Variants in RNF144A observed in about 807,000 individuals in gnomAD.
The protein encoded by RNF144A is E3 ubiquitin-protein ligase RNF144A.
Under a neutral mutation model 38.7 loss-of-function variants are expected in RNF144A, and 11 were observed. The observed-to-expected ratio is 0.28, with a 90% CI of 0.18 to 0.47. RNF144A has a LOEUF of 0.47. RNF144A is among the 20% of genes least tolerant of loss of function. RNF144A has a pLI of 0.99. For missense variants in RNF144A, 316 were observed against 377.2 expected, an observed-to-expected ratio of 0.84 and a Z score of 1.34; for synonymous variants, 149 against 143.9, an observed-to-expected ratio of 1.04 and a Z score of -0.25.
chr2:6,998,191 T>G (rs1387506076), intron 3 of RNF144A, among the ~76,000 whole-genome samples: 1 of 152,022 alleles, frequency 6.6e-6, no homozygotes, highest in Non-Finnish European at 1.5e-5. Context: ...AAAAGTGTCT[T>G]CTGAATTTAA....
chr2:7,030,065 A>G (rs897692440), intron 7 of RNF144A, 61 bp from the exon 8 acceptor site: 2 of 1,128,004 alleles, frequency 1.8e-6, no homozygotes, highest in Admixed American at 1.7e-5. Context: ...AATGGCTGTG[A>G]TACTCACCGA....
At position 7,042,546 on chromosome 2, in the gene RNF144A, G is replaced by C; in HGVS notation, c.*2786G>C. The C allele has an allele frequency of 1.8e-5, 18 of 985,506 alleles. No homozygotes were observed. Among genetic ancestry groups the C allele is most frequent in the Non-Finnish European group, 2.2e-5 (18 of 829,966 alleles). The allele number at this position is 985,506 out of a possible 1,614,324, so 61.0% of individuals were successfully genotyped here. A position where few individuals can be genotyped will look rare whatever the true frequency, so the allele number is the denominator to read the frequency against. On this transcript the variant is annotated 3_prime_UTR_variant, in exon 9 of 9. Coordinates refer to ENST00000320892, the MANE Select transcript of RNF144A (RefSeq NM_014746.6). The stretch of plus-strand genomic sequence containing the variant: ...CAGGGTGGGTGGCCAGTGAGGACTG[G>C]CCTTAGCCCAGTGGACCTGTGGCTT...
At chr2:7,006,083 C>T (rs309318) in intron 3 of RNF144A, among the ~76,000 whole-genome samples, 121,023 of 151,732 alleles carry the variant, frequency 0.8, 48,392 homozygotes, top group South Asian at 0.92. Flanking sequence ...GACAGCTATG[C>T]TCTGTCCCAG....
intron 1 of RNF144A, among the ~76,000 whole-genome samples, chr2:6,933,542 T>C (rs1665341654): frequency 6.6e-6 from 1 of 152,168 alleles, no homozygotes; most frequent in Admixed American, 6.5e-5. Flanking sequence ...GTATAGTATC[T>C]CATGGGTACT....
chr2:7,028,607 A>T (rs1311784627), intron 7 of RNF144A, among the ~76,000 whole-genome samples: 1 of 152,238 alleles, frequency 6.6e-6, no homozygotes, highest in Non-Finnish European at 1.5e-5. Context: ...AGTGCAAGAC[A>T]TTGTGAGAGG....
intron 6 of RNF144A, among the ~76,000 whole-genome samples, chr2:7,066,183 G>A (rs1674210749): frequency 6.6e-6 from 1 of 152,024 alleles, no homozygotes; most frequent in Non-Finnish European, 1.5e-5. Context: ...CGCCTCCTGG[G>A]TTTACGCCAT....
intron 2 of RNF144A, among the ~76,000 whole-genome samples, chr2:6,993,155 T>G (rs1669506192): frequency 6.6e-6 from 1 of 151,740 alleles, no homozygotes; most frequent in African/African-American, 2.4e-5. Flanking sequence ...TTCTGTAAAA[T>G]ATATCCTGTT....
Position 7,040,750 on chromosome 2 carries a change from C to A in RNF144A, c.*990C>A, listed in dbSNP as rs1384795904. ...AGATGTAGGGGCCTCTTGGCAGAGG[C>A]TGGAGGACTCTGGGGGCTAGGGAAG... is the stretch of plus-strand genomic sequence containing the variant. On this transcript the variant is annotated 3_prime_UTR_variant, in exon 9 of 9. Transcript: ENST00000320892. 1.0e-5 allele frequency: 10 copies of A among 985,352 alleles called. No homozygotes were observed. Among genetic ancestry groups the A allele is most frequent in the Non-Finnish European group, 1.2e-5 (10 of 829,942 alleles). 61.0% of individuals were successfully genotyped at this position (985,352 alleles called of 1,614,324 possible).
At position 7,007,556 on chromosome 2, in the gene RNF144A, T is replaced by A. The variant is rs1670526962; in HGVS notation, c.136-6898T>A. On this transcript the variant is annotated intron_variant, in intron 3 of 8. Coordinates refer to ENST00000320892, the MANE Select transcript of RNF144A (RefSeq NM_014746.6). ...GACCCAGGGATCATCCTGCCTCAGC[T>A]TTTAACCACCCTCAACATAGTACAC... Among the ~76,000 whole-genome samples the A allele has an allele frequency of 2.0e-5, 3 of 152,304 alleles. No homozygotes were observed. In the South Asian group the frequency reaches 6.2e-4, roughly 32 times the overall value.
Position 7,041,560 on chromosome 2 carries a change from G to A in RNF144A, c.*1800G>A. On this transcript the variant is annotated 3_prime_UTR_variant, in exon 9 of 9. Transcript: ENST00000320892. Reference sequence around the variant, plus strand: ...CTCTGTCGTTTGTGGTGCTGTGATGGTGTCTACTGTTAGAATAGCTTTTCT... The same window carrying A: ...CTCTGTCGTTTGTGGTGCTGTGATGATGTCTACTGTTAGAATAGCTTTTCT... 1.0e-6 allele frequency: 1 copy of A among 986,066 alleles called. No individual in the cohort carries two copies. The highest frequency in any genetic ancestry group is 1.2e-6 in the Non-Finnish European group (1 of 829,978). The allele number at this position is 986,066 out of a possible 1,614,324, so 61.1% of individuals were successfully genotyped here.
chr2:7,026,148 A>G (rs1224437153), intron 7 of RNF144A, among the ~76,000 whole-genome samples: 1 of 152,228 alleles, frequency 6.6e-6, no homozygotes, highest in Non-Finnish European at 1.5e-5. Context: ...TCTCTTTGAG[A>G]TGGACTATTA....
chr2:6,988,049 T>A (rs1669066461), intron 2 of RNF144A, among the ~76,000 whole-genome samples: 1 of 152,224 alleles, frequency 6.6e-6, no homozygotes. Context: ...TATATTTAAT[T>A]TAGCGTTTCT....
Position 7,039,795 on chromosome 2 carries a change from G to C in RNF144A, c.*35G>C. On this transcript the variant is annotated 3_prime_UTR_variant, in exon 9 of 9. Coordinates refer to ENST00000320892, the MANE Select transcript of RNF144A (RefSeq NM_014746.6). ...GATGCTGGAACACATCCCTGCCTCC[G>C]GGAAGTGTGGCTCTCCCCCAACCCT... The C allele has an allele frequency of 6.2e-7, 1 of 1,606,836 alleles. No homozygotes were observed. The highest frequency in any genetic ancestry group is 8.5e-7 in the Non-Finnish European group (1 of 1,176,216).
intron 7 of RNF144A, among the ~76,000 whole-genome samples, chr2:7,027,436 A>G (rs1005200611): frequency 2.0e-5 from 3 of 152,214 alleles, no homozygotes; most frequent in South Asian, 2.1e-4. Context: ...CTTAACGCAC[A>G]GTATTTCTGT....
At chr2:7,026,376 G>A (rs377617) in intron 7 of RNF144A, among the ~76,000 whole-genome samples, 44,824 of 152,038 alleles carry the variant, frequency 0.29, 7,577 homozygotes, top group Middle Eastern at 0.4. Flanking sequence ...AATCAGCATG[G>A]CAAGATGAAT....
chr2:7,046,199 C>T (rs1673302130), downstream of RNF144A, among the ~76,000 whole-genome samples: 1 of 152,190 alleles, frequency 6.6e-6, no homozygotes, highest in African/African-American at 2.4e-5. Context: ...CATTACTCAG[C>T]TCAGCTCAGC....
chr2:7,036,210 G>C (rs1672669101), intron 8 of RNF144A, among the ~76,000 whole-genome samples: 1 of 152,154 alleles, frequency 6.6e-6, no homozygotes, highest in African/African-American at 2.4e-5. Flanking sequence ...ATTTTCTCTA[G>C]AGTAACCTTA....
chr2:7,052,094 GA>G (rs1673550940), intron 6 of RNF144A, among the ~76,000 whole-genome samples: 1 of 152,142 alleles, frequency 6.6e-6, no homozygotes, highest in Non-Finnish European at 1.5e-5. Context: ...GTGCCCTGGA[GA>G]GAGGAACTCA....
At chr2:6,992,073 C>CA (rs1489003663) in intron 2 of RNF144A, among the ~76,000 whole-genome samples, 1 of 152,202 alleles carries the variant, frequency 6.6e-6, no homozygotes, top group Non-Finnish European at 1.5e-5. Flanking sequence ...GCCTTGTAGA[C>CA]AGGACAGCTG....
Sources: gnomAD v4.1 joint callset for allele counts (sites outside exome capture counted in the v4.1 genomes callset) on GRCh38, gnomAD v4.1.1 for gene constraint, MANE v1.5 for transcripts, NCBI Gene and HGNC (gene_info 2026-07-23, HGNC 2026-07-21) for gene names.